Variants in PIGK observed in about 807,000 individuals in gnomAD.
The protein encoded by PIGK is GPI-anchor transamidase.
PIGK carries 42 observed loss-of-function variants against 50.6 expected under a neutral mutation model. That is an observed-to-expected ratio of 0.83 (90% CI 0.65 to 1.07). The LOEUF is 1.07. Ranked by LOEUF, PIGK falls within the 50% of genes least tolerant of loss-of-function variation. PIGK has a pLI of 0.00. For missense variants in PIGK, 448 were observed against 488.7 expected (o/e 0.92, Z 0.78); for synonymous variants, 151 against 156.0 (o/e 0.97, Z 0.24).
chr1:77,166,596 TA>T, intron 5 of PIGK, 122 bp downstream of exon 5: 1 of 566,078 alleles, frequency 1.8e-6, no homozygotes, highest in Non-Finnish European at 3.1e-6. Flanking sequence ...ATGGAAAATA[TA>T]ACTACATGAG....
At chr1:77,107,186 G>A (rs1653704480) in intron 10 of PIGK, among the ~76,000 whole-genome samples, 2 of 152,146 alleles carry the variant, frequency 1.3e-5, no homozygotes, top group African/African-American at 4.8e-5. Flanking sequence ...ATGTTAGGGT[G>A]TCCATTTTAG....
At chr1:77,106,885 T>C (rs1653694442) in intron 10 of PIGK, among the ~76,000 whole-genome samples, 1 of 152,210 alleles carries the variant, frequency 6.6e-6, no homozygotes, top group Non-Finnish European at 1.5e-5. Flanking sequence ...TAGAGGTGTT[T>C]ATAGTATTCT....
At chr1:77,096,743 G>C (rs1193605151) in intron 10 of PIGK, among the ~76,000 whole-genome samples, 1 of 152,038 alleles carries the variant, frequency 6.6e-6, no homozygotes, top group African/African-American at 2.4e-5. Flanking sequence ...ACTAAGTTTG[G>C]AGTGGTTCAT....
At position 77,154,624 on chromosome 1, in the gene PIGK, GA is replaced by G; in HGVS notation, c.814-4del. ...AGACTTTTGGGACATACCTGAAACT[GA>G]AAAAATATATAATAATAAATGCATG... On this transcript the variant is annotated splice_polypyrimidine_tract_variant and splice_region_variant and intron_variant, in intron 8 of 10. Transcript: ENST00000370812. 6.3e-7 allele frequency: 1 copy of G among 1,586,464 alleles called. No homozygotes were observed. The highest frequency in any genetic ancestry group is 8.6e-7 in the Non-Finnish European group (1 of 1,159,598).
chr1:77,140,998 T>C (rs144256854), intron 9 of PIGK, among the ~76,000 whole-genome samples: 40 of 152,306 alleles, frequency 2.6e-4, no homozygotes, highest in Middle Eastern at 3.4e-3. Flanking sequence ...AAGCATGCAA[T>C]CTTTAAATCA....
rs75042546 is a variant in PIGK at position 77,195,198 on chromosome 1, C to T, written c.239+11442G>A. On this transcript the variant is annotated intron_variant, in intron 3 of 10. Transcript: ENST00000370812. Reference sequence around the variant, plus strand: ...AGACCCTCCTGTTCTTAACCGTGGGCGATGAGAAAGGTGCTGGACTTTTCT... The same window carrying T: ...AGACCCTCCTGTTCTTAACCGTGGGTGATGAGAAAGGTGCTGGACTTTTCT... 9.4e-4 allele frequency: 1,115 copies of T among 1,189,448 alleles called. 4 individuals carry two copies. In the Middle Eastern group the frequency reaches 9.9e-3, roughly 11 times the overall value. The allele number at this position is 1,189,448 out of a possible 1,614,324, so 73.7% of individuals were successfully genotyped here.
At chr1:77,200,162 TATG>T (rs1266798630) in intron 3 of PIGK, among the ~76,000 whole-genome samples, 6 of 152,046 alleles carry the variant, frequency 3.9e-5, no homozygotes, top group South Asian at 2.1e-4. Context: ...TTCTAACAGT[TATG>T]TGTAGGATGA....
chr1:77,210,542 A>G, intron 1 of PIGK, 53 bp from the exon 2 acceptor site: 1 of 1,111,026 alleles, frequency 9.0e-7, no homozygotes, highest in Non-Finnish European at 1.3e-6. Flanking sequence ...CAGAATAAAG[A>G]CTGATAATGG....
rs558779662 is a variant in PIGK at position 77,161,355 on chromosome 1, A to G, written c.753T>C (p.Phe251=). The change falls in exon 8 of 11, where the codon TTT becomes TTC. Residue 251 remains phenylalanine, a synonymous_variant. Coordinates refer to ENST00000370812, the MANE Select transcript of PIGK (RefSeq NM_005482.3). ...TTTCTTCCAAAAATTCCAAGACATA[A>G]AATGTGTATCTATCCATAAGATGGA... ...IGVHLMDRYT[F]YVLEFLEEIN... is the part of the protein sequence containing the mutation. 6.2e-7 allele frequency: 1 copy of G among 1,607,978 alleles called. No homozygotes were observed. Among genetic ancestry groups the G allele is most frequent in the African/African-American group, 1.3e-5 (1 of 74,940 alleles).
chr1:77,135,729 T>G (rs1427286583), intron 9 of PIGK, among the ~76,000 whole-genome samples: 5 of 151,746 alleles, frequency 3.3e-5, no homozygotes, highest in Non-Finnish European at 7.4e-5. Context: ...ACTCTAAAAA[T>G]GTAAACTGCA....
At chr1:77,185,773 G>C (rs557414456) in intron 3 of PIGK, among the ~76,000 whole-genome samples, 1 of 152,342 alleles carries the variant, frequency 6.6e-6, no homozygotes, top group South Asian at 2.1e-4. Flanking sequence ...GGTGTCAGTG[G>C]CAAGCAGGGA....
At chr1:77,128,946 A>G (rs1654291467) in intron 9 of PIGK, among the ~76,000 whole-genome samples, 1 of 152,216 alleles carries the variant, frequency 6.6e-6, no homozygotes, top group South Asian at 2.1e-4. Context: ...CTAAAGAAAA[A>G]TAACATTTCA....
At chr1:77,174,207 G>A (rs774373465) in intron 3 of PIGK, among the ~76,000 whole-genome samples, 10 of 152,160 alleles carry the variant, frequency 6.6e-5, no homozygotes, top group Non-Finnish European at 1.5e-4. Flanking sequence ...TTCTCTAAGC[G>A]AGAAATATTG....
intron 9 of PIGK, among the ~76,000 whole-genome samples, chr1:77,128,628 G>C (rs866431573): frequency 2.6e-5 from 4 of 151,990 alleles, no homozygotes; most frequent in African/African-American, 9.7e-5. Flanking sequence ...GTAGTGTAGA[G>C]TTCTGGGGGA....
At chr1:77,193,401 C>T (rs774102372) in intron 3 of PIGK, among the ~76,000 whole-genome samples, 10 of 152,044 alleles carry the variant, frequency 6.6e-5, no homozygotes, top group Non-Finnish European at 1.5e-4. Context: ...GGAGTTTGTG[C>T]CTTATGTAGC....
At chr1:77,199,191 T>C (rs1168775074) in intron 3 of PIGK, among the ~76,000 whole-genome samples, 1 of 152,058 alleles carries the variant, frequency 6.6e-6, no homozygotes, top group East Asian at 1.9e-4. Flanking sequence ...CTTGTCACTG[T>C]TCTCCTCAGA....
chr1:77,210,286 G>A, intron 2 of PIGK, 150 bp downstream of exon 2: 1 of 491,926 alleles, frequency 2.0e-6, no homozygotes, highest in Non-Finnish European at 3.7e-6. Context: ...TAGTTGATGT[G>A]GTCAATTTAA....
intron 3 of PIGK, among the ~76,000 whole-genome samples, chr1:77,182,804 A>G (rs575825140): frequency 6.6e-6 from 1 of 152,326 alleles, no homozygotes; most frequent in African/African-American, 2.4e-5. Flanking sequence ...TGTGACAGTT[A>G]TGCAAAATAA....
In PIGK at chr1:77,210,430, A is replaced by G. The variant is rs1419271993; in HGVS notation, c.147+6T>C. 1 of 1,574,662 alleles carries G rather than the reference A, an allele frequency of 6.4e-7. No individual in the cohort carries two copies. The highest frequency in any genetic ancestry group is 8.7e-7 in the Non-Finnish European group (1 of 1,151,952). On this transcript the variant is annotated splice_donor_region_variant and intron_variant, in intron 2 of 10. Coordinates refer to ENST00000370812, the MANE Select transcript of PIGK (RefSeq NM_005482.3). Reference sequence around the variant, plus strand: ...ACAGCAAGGTATACTTTTACAGTATACTTACCAGAACAGCCCAGTTGTTTG... The same window carrying G: ...ACAGCAAGGTATACTTTTACAGTATGCTTACCAGAACAGCCCAGTTGTTTG...
Sources: allele counts gnomAD v4.1 joint callset (sites outside exome capture counted in the v4.1 genomes callset), GRCh38; gene constraint gnomAD v4.1.1; transcripts MANE v1.5; gene names NCBI Gene and HGNC (gene_info 2026-07-23, HGNC 2026-07-21).